WWOX: variants seen among roughly 807,000 people sequenced by gnomAD.
WWOX encodes the protein WW domain containing oxidoreductase.
In WWOX, 69 loss-of-function variants were observed where a neutral mutation model predicts 46.2. That is an observed-to-expected ratio of 1.49 (90% CI 1.23 to 1.82). The LOEUF (loss-of-function observed/expected upper bound fraction) is 1.82, where lower values mean the gene tolerates loss of function less well. WWOX is among the 40% of genes most tolerant of loss of function. The probability of loss-of-function intolerance (pLI) is 0.00; values close to 1 mark genes in which losing one functional copy is unlikely to be tolerated. For missense variants in WWOX, 919 were observed against 542.6 expected, an observed-to-expected ratio of 1.69 and a Z score of -6.89; for synonymous variants, 359 against 202.6, an observed-to-expected ratio of 1.77 and a Z score of -6.56.
intron 8 of WWOX, among the ~76,000 whole-genome samples, chr16:78,606,628 G>A (rs1208109312): frequency 6.6e-6 from 1 of 151,426 alleles, no homozygotes; most frequent in Non-Finnish European, 1.5e-5. Context: ...GCGAAAATCA[G>A]TGACACGAAG....
At chr16:79,190,222 A>C (rs974796096) in intron 8 of WWOX, among the ~76,000 whole-genome samples, 1 of 151,968 alleles carries the variant, frequency 6.6e-6, no homozygotes, top group South Asian at 2.1e-4. Flanking sequence ...ACAGGGTTTC[A>C]CCGTGTTGGC....
At chr16:79,075,637 C>T (rs2048641702) in intron 8 of WWOX, among the ~76,000 whole-genome samples, 3 of 152,056 alleles carry the variant, frequency 2.0e-5, no homozygotes, top group East Asian at 3.9e-4. Context: ...ACTGCACCCT[C>T]CGCCTTCTGG....
intron 8 of WWOX, among the ~76,000 whole-genome samples, chr16:79,006,612 C>G (rs2047196075): frequency 6.6e-6 from 1 of 151,896 alleles, no homozygotes; most frequent in Non-Finnish European, 1.5e-5. Context: ...GTCTTAAAAA[C>G]CTAAATGTAT....
At chr16:78,256,256 C>A (rs1302188665) in intron 5 of WWOX, among the ~76,000 whole-genome samples, 1 of 151,712 alleles carries the variant, frequency 6.6e-6, no homozygotes, top group Non-Finnish European at 1.5e-5. Context: ...GTCTACCACA[C>A]CATGAGACTT....
chr16:79,039,485 C>G (rs2047930797), intron 8 of WWOX, among the ~76,000 whole-genome samples: 1 of 152,136 alleles, frequency 6.6e-6, no homozygotes, highest in South Asian at 2.1e-4. Flanking sequence ...GACGCATTTG[C>G]CCATCGTAAA....
chr16:79,101,089 A>G (rs1258581728), intron 8 of WWOX: 1 of 152,536 alleles, frequency 6.6e-6, no homozygotes, highest in Non-Finnish European at 1.5e-5. Context: ...TATCCTTCCA[A>G]AACGGCCACT....
intron 5 of WWOX, among the ~76,000 whole-genome samples, chr16:78,177,978 C>G (rs1340542392): frequency 6.6e-6 from 1 of 152,154 alleles, no homozygotes; most frequent in Non-Finnish European, 1.5e-5. Flanking sequence ...TTGTGAGGAC[C>G]ATTAACAAAT....
At chr16:79,133,698 T>G (rs1484922596) in intron 8 of WWOX, among the ~76,000 whole-genome samples, 1 of 152,232 alleles carries the variant, frequency 6.6e-6, no homozygotes, top group Non-Finnish European at 1.5e-5. Context: ...ATTGTATCAG[T>G]AATTTTAAAA....
chr16:78,669,456 G>C (rs556800325), intron 8 of WWOX, among the ~76,000 whole-genome samples: 18 of 152,350 alleles, frequency 1.2e-4, no homozygotes, highest in Middle Eastern at 3.4e-3. Context: ...ACTGGAAGCA[G>C]GAAGAAGTGC....
chr16:79,035,791 A>C (rs569490529), intron 8 of WWOX, among the ~76,000 whole-genome samples: 1 of 152,214 alleles, frequency 6.6e-6, no homozygotes, highest in South Asian at 2.1e-4. Flanking sequence ...CAAGAACAAA[A>C]GGCCAACCCC....
Position 78,718,025 on chromosome 16 carries a change from A to G in WWOX, c.1056+285273A>G, listed in dbSNP as rs558591065. 3.5e-5 allele frequency among the ~76,000 whole-genome samples: 5 copies of G among 144,076 alleles called. No individual in the cohort carries two copies. The East Asian group carries it at 8.1e-4, about 23-fold the overall frequency. The allele number at this position is 144,076 out of a possible 152,430, so 94.5% of individuals were successfully genotyped here. On this transcript the variant is annotated intron_variant, in intron 8 of 8. Transcript: ENST00000566780. ...TTTTTGCTTGGGAAAGCACAATGGT[A>G]TTAGCCTGCCAGACTGCAAACGTTA...
At chr16:79,153,515 C>T (rs1033673180) in intron 8 of WWOX, among the ~76,000 whole-genome samples, 4 of 152,152 alleles carry the variant, frequency 2.6e-5, no homozygotes, top group Admixed American at 6.5e-5. Flanking sequence ...GAACAGCCCA[C>T]GGCAATGCAC....
intron 8 of WWOX, among the ~76,000 whole-genome samples, chr16:79,083,833 C>T (rs956326287): frequency 6.6e-6 from 1 of 152,180 alleles, no homozygotes; most frequent in Non-Finnish European, 1.5e-5. Flanking sequence ...GTATAGGAGA[C>T]TCTTTTGCCA....
chr16:78,347,342 A>T (rs545774626), intron 5 of WWOX, among the ~76,000 whole-genome samples: 2 of 117,408 alleles, frequency 1.7e-5, no homozygotes, highest in African/African-American at 5.8e-5. Flanking sequence ...ATCCATTCCA[A>T]TATGACTCCT....
intron 6 of WWOX, among the ~76,000 whole-genome samples, chr16:78,421,045 G>A (rs2082916227): frequency 6.6e-6 from 1 of 152,086 alleles, no homozygotes; most frequent in Non-Finnish European, 1.5e-5. Flanking sequence ...TAGTTCATAT[G>A]TAATTTTATA....
chr16:79,097,777 GC>G (rs1457626548), intron 8 of WWOX, among the ~76,000 whole-genome samples: 1 of 152,194 alleles, frequency 6.6e-6, no homozygotes, highest in African/African-American at 2.4e-5. Context: ...TAAGAGAGTA[GC>G]GGGGCTGAGA....
At chr16:78,381,656 T>A (rs779933337) in intron 5 of WWOX, among the ~76,000 whole-genome samples, 14 of 152,182 alleles carry the variant, frequency 9.2e-5, no homozygotes, top group Non-Finnish European at 2.1e-4. Context: ...AATGAAGATT[T>A]GGGGAAGGAA....
chr16:78,801,289 C>A (rs891736708), intron 8 of WWOX, among the ~76,000 whole-genome samples: 7 of 152,096 alleles, frequency 4.6e-5, no homozygotes, highest in Non-Finnish European at 8.8e-5. Flanking sequence ...GCAGGTAGAT[C>A]CCCTGAGGTT....
intron 6 of WWOX, among the ~76,000 whole-genome samples, chr16:78,412,550 G>C (rs371567216): frequency 1.3e-5 from 2 of 152,200 alleles, no homozygotes; most frequent in East Asian, 1.9e-4. Flanking sequence ...AAGAGGAAGG[G>C]TTGGAGGAGA....
Sources: allele counts gnomAD v4.1 joint callset (sites outside exome capture counted in the v4.1 genomes callset), GRCh38; gene constraint gnomAD v4.1.1; transcripts MANE v1.5; gene names NCBI Gene and HGNC (gene_info 2026-07-23, HGNC 2026-07-21).